The following HOXC6 variants were observed in gnomAD, a reference collection of about 807,000 sequenced individuals.
HOXC6 encodes the protein homeobox protein Hox-C6.
Under a neutral mutation model 24.0 loss-of-function variants are expected in HOXC6, and 10 were observed. That is an observed-to-expected ratio of 0.42 (90% CI 0.26 to 0.71). HOXC6 has a LOEUF of 0.71. HOXC6 is among the 30% of genes least tolerant of loss of function. The pLI is 0.28. For synonymous variants in HOXC6, 123 were observed against 128.1 expected, an observed-to-expected ratio of 0.96 and a Z score of 0.27; for missense variants, 258 against 303.4, an observed-to-expected ratio of 0.85 and a Z score of 1.11.
upstream of HOXC6, among the ~76,000 whole-genome samples, chr12:54,025,718 AAC>A (rs2136429683): frequency 6.6e-6 from 1 of 152,200 alleles, no homozygotes; most frequent in South Asian, 2.1e-4. Context: ...GACGTCATAA[AAC>A]ACTTAACTTT....
intron 1 of HOXC6, among the ~76,000 whole-genome samples, chr12:54,023,255 G>A (rs532108292): frequency 1.2e-4 from 19 of 152,338 alleles, no homozygotes; most frequent in African/African-American, 4.3e-4. Context: ...TGAGCGTGAT[G>A]GGGTAGAGAT....
chr12:54,025,535 G>T (rs983361942), upstream of HOXC6, among the ~76,000 whole-genome samples: 3 of 103,382 alleles, frequency 2.9e-5, no homozygotes, highest in Admixed American at 2.6e-4. Context: ...ATTGGGGGGG[G>T]GGGAGGTGTT....
At chr12:54,026,460 A>G (rs748325947), upstream of HOXC6, among the ~76,000 whole-genome samples, 3 of 152,226 alleles carry the variant, frequency 2.0e-5, no homozygotes, top group Non-Finnish European at 2.9e-5. Flanking sequence ...TAACTCATCT[A>G]AAATTTTTTT....
chr12:54,026,939 C>CA (rs1940732772), upstream of HOXC6, among the ~76,000 whole-genome samples: 1 of 141,674 alleles, frequency 7.1e-6, no homozygotes. Flanking sequence ...CCAGCTTTCC[C>CA]CCCCCCCAAC....
intron 1 of HOXC6, among the ~76,000 whole-genome samples, chr12:54,019,178 C>T (rs866050401): frequency 1.5e-5 from 2 of 131,884 alleles, no homozygotes; most frequent in Admixed American, 1.5e-4. Flanking sequence ...CCCTCCCCCA[C>T]CCCCCCACCC....
upstream of HOXC6, among the ~76,000 whole-genome samples, chr12:54,023,709 T>C (rs1218702871): frequency 3.3e-5 from 5 of 152,192 alleles, no homozygotes; most frequent in Middle Eastern, 3.2e-3. Context: ...TCCATTTCTG[T>C]GTTAGGTGTG....
At position 54,028,448 on chromosome 12, in the gene HOXC6, CTA is replaced by C. The variant is rs1409844218; in HGVS notation, c.-73_-72del. The C allele has an allele frequency of 6.7e-7, 1 of 1,499,228 alleles. No homozygotes were observed. Among genetic ancestry groups the C allele is most frequent in the Non-Finnish European group, 9.1e-7 (1 of 1,100,350 alleles). 92.9% of individuals were successfully genotyped at this position (1,499,228 alleles called of 1,614,324 possible). A position where few individuals can be genotyped will look rare whatever the true frequency, so the allele number is the denominator to read the frequency against. The stretch of plus-strand genomic sequence containing the variant: ...GGATTGGAGCCGTCCCTATAACCAT[CTA>C]GTTCCGAGTACAAACTGGAGACAGA... On this transcript the variant is annotated 5_prime_UTR_variant, in exon 1 of 2. Transcript: ENST00000243108.
intron 1 of HOXC6, among the ~76,000 whole-genome samples, chr12:54,022,909 C>T (rs975058253): frequency 6.6e-6 from 1 of 152,150 alleles, no homozygotes; most frequent in East Asian, 1.9e-4. Flanking sequence ...ATCCTTTGAC[C>T]CAGTGCAGAG....
chr12:54,027,328 G>A (rs1940764509), upstream of HOXC6, among the ~76,000 whole-genome samples: 1 of 152,186 alleles, frequency 6.6e-6, no homozygotes, highest in South Asian at 2.1e-4. Context: ...GTCCAGGGGC[G>A]CCTCCACTGG....
In HOXC6 at chr12:54,028,851, G is replaced by A; in HGVS notation, c.330G>A (p.Arg110=). ...AGGATTTTAGTTCTGAGCAGGGCAGGACTGCGCCCCAGGACCAGAAAGCCA... is the reference window on the plus strand; with the variant it reads ...AGGATTTTAGTTCTGAGCAGGGCAGAACTGCGCCCCAGGACCAGAAAGCCA... The part of the protein sequence containing the change: ...IAQDFSSEQG[R]TAPQDQKASI... Residue 110 remains arginine, a synonymous_variant, in exon 1 of 2, where the codon AGG becomes AGA. Transcript: ENST00000243108. The A allele has an allele frequency of 1.2e-6, 2 of 1,614,112 alleles. No individual in the cohort carries two copies. The highest frequency in any genetic ancestry group is 1.7e-6 in the Non-Finnish European group (2 of 1,180,028).
Position 54,030,546 on chromosome 12 carries a change from A to G in HOXC6, c.*584A>G, listed in dbSNP as rs1940947324. 6.5e-6 allele frequency: 1 copy of G among 152,680 alleles called. No homozygotes were observed. The highest frequency in any genetic ancestry group is 2.4e-5 in the African/African-American group (1 of 41,470). 9.5% of individuals were successfully genotyped at this position (152,680 alleles called of 1,614,324 possible). ...CCTGGGGGTCATTATGGCATTTTAC[A>G]AACTGTGACCGTTTCTGTGTGAAGA... On this transcript the variant is annotated 3_prime_UTR_variant, in exon 2 of 2. Coordinates refer to ENST00000243108, the MANE Select transcript of HOXC6 (RefSeq NM_004503.4).
At position 54,029,949 on chromosome 12, in the gene HOXC6, A is replaced by G; in HGVS notation, c.695A>G (p.Lys232Arg). ...EEKREETEEEKQKE is the reference protein window; with the variant it reads ...EEKREETEEERQKE ...AAGCGGGAAGAGACAGAAGAGGAGA[A>G]GCAGAAAGAGTGACCAGGACTGTCC... The change falls in exon 2 of 2, where the codon AAG becomes AGG. Residue 232 changes from lysine to arginine, a missense_variant. By Grantham distance (26) the Lys-to-Arg change is conservative. Transcript: ENST00000243108. 6.3e-7 allele frequency: 1 copy of G among 1,579,856 alleles called. No homozygotes were observed. The highest frequency in any genetic ancestry group is 8.6e-7 in the Non-Finnish European group (1 of 1,161,986).
chr12:54,030,527 G>A lies in HOXC6; in HGVS notation c.*565G>A, dbSNP rs1283413964. On this transcript the variant is annotated 3_prime_UTR_variant, in exon 2 of 2. Transcript: ENST00000243108. Reference sequence around the variant, plus strand: ...CAAATTGTATTTAAAGAATCCTGGGGGTCATTATGGCATTTTACAAACTGT... The same window carrying A: ...CAAATTGTATTTAAAGAATCCTGGGAGTCATTATGGCATTTTACAAACTGT... 1.3e-5 allele frequency: 2 copies of A among 152,666 alleles called. No individual in the cohort carries two copies. Among genetic ancestry groups the A allele is most frequent in the Non-Finnish European group, 2.9e-5 (2 of 68,066 alleles). 9.5% of individuals were successfully genotyped at this position (152,666 alleles called of 1,614,324 possible).
chr12:54,029,928 G>A lies in HOXC6; in HGVS notation c.674G>A (p.Arg225Gln). Residue 225 changes from arginine (R) to glutamine (Q), a missense_variant, in exon 2 of 2, where the codon CGG becomes CAG. Physicochemically the swap from Arg to Gln is conservative, Grantham distance 43 (BLOSUM62 1). Coordinates refer to ENST00000243108, the MANE Select transcript of HOXC6 (RefSeq NM_004503.4). ...AGCCTGGGCGGAAAAGAGGAAAAGC[G>A]GGAAGAGACAGAAGAGGAGAAGCAG... ...ADSLGGKEEK[R>Q]EETEEEKQKE 1 of 1,601,266 alleles carries A rather than the reference G, an allele frequency of 6.2e-7. No homozygotes were observed. Among genetic ancestry groups the A allele is most frequent in the Non-Finnish European group, 8.5e-7 (1 of 1,173,138 alleles).
chr12:54,020,701 G>T (rs1007314676), intron 1 of HOXC6: 2 of 152,170 alleles, frequency 1.3e-5, no homozygotes, highest in African/African-American at 2.4e-5. Flanking sequence ...AGATGAGAGT[G>T]GGCTCATGGA....
intron 1 of HOXC6, among the ~76,000 whole-genome samples, chr12:54,019,731 C>G (rs1349622360): frequency 6.6e-6 from 1 of 152,126 alleles, no homozygotes; most frequent in African/African-American, 2.4e-5. Flanking sequence ...CTAGAACGAC[C>G]TCACTGAGTG....
At chr12:54,018,950 G>A (rs1165339934) in intron 1 of HOXC6, among the ~76,000 whole-genome samples, 1 of 152,118 alleles carries the variant, frequency 6.6e-6, no homozygotes, top group African/African-American at 2.4e-5. Context: ...CCTGTGGGGG[G>A]GCGGGGATGG....
At chr12:54,025,527 T>TGG (rs999135770), upstream of HOXC6, among the ~76,000 whole-genome samples, 24 of 12,668 alleles carry the variant, frequency 1.9e-3, no homozygotes, top group South Asian at 5.5e-3. Flanking sequence ...GAAAGGTAAT[T>TGG]GGGGGGGGGG....
chr12:54,028,468 G>A lies in HOXC6; in HGVS notation c.-54G>A. ...ACCATCTAGTTCCGAGTACAAACTG[G>A]AGACAGAAATAAATATTAAAGAAAT... On this transcript the variant is annotated 5_prime_UTR_variant, in exon 1 of 2. Transcript: ENST00000243108. 1 of 1,560,446 alleles carries A rather than the reference G, an allele frequency of 6.4e-7. No homozygotes were observed. Among genetic ancestry groups the A allele is most frequent in the South Asian group, 1.2e-5 (1 of 82,530 alleles).
Sources: gnomAD v4.1 joint callset for allele counts (sites outside exome capture counted in the v4.1 genomes callset) on GRCh38, gnomAD v4.1.1 for gene constraint, MANE v1.5 for transcripts, NCBI Gene and HGNC (gene_info 2026-07-23, HGNC 2026-07-21) for gene names.